FBN1: variants seen among roughly 807,000 people sequenced by gnomAD.
FBN1 encodes fibrillin 1.
In FBN1, 29 loss-of-function variants were observed where a neutral mutation model predicts 365.1. That is an observed-to-expected ratio of 0.08 (90% CI 0.06 to 0.11). The LOEUF (loss-of-function observed/expected upper bound fraction) is 0.11. Among genes scored for constraint, FBN1 ranks in the 10% least tolerant of loss-of-function variants. The probability of loss-of-function intolerance (pLI) is 1.00; values close to 1 mark genes in which losing one functional copy is unlikely to be tolerated. For missense variants in FBN1, 2,476 were observed against 3,703.2 expected (o/e 0.67, Z 8.60); for synonymous variants, 1,210 against 1,270.5 (o/e 0.95, Z 1.01).
chr15:48,446,505 T>G (rs1306408505), intron 47 of FBN1, among the ~76,000 whole-genome samples: 1 of 152,214 alleles, frequency 6.6e-6, no homozygotes, highest in Non-Finnish European at 1.5e-5. Flanking sequence ...GGTCTCAGAA[T>G]GTATCCCTCA....
chr15:48,511,721 T>C (rs1194941711), intron 13 of FBN1, among the ~76,000 whole-genome samples: 2 of 152,318 alleles, frequency 1.3e-5, no homozygotes, highest in Non-Finnish European at 1.5e-5. Flanking sequence ...ACTTCTTATT[T>C]TCAGGATAAC....
chr15:48,422,510 T>A (rs1025944557), intron 60 of FBN1, among the ~76,000 whole-genome samples: 1 of 152,254 alleles, frequency 6.6e-6, no homozygotes, highest in African/African-American at 2.4e-5. Context: ...AGTTCTCTTC[T>A]GTTTGCTGTT....
chr15:48,499,559 T>C (rs2043637782), intron 17 of FBN1, among the ~76,000 whole-genome samples: 1 of 152,206 alleles, frequency 6.6e-6, no homozygotes, highest in Admixed American at 6.5e-5. Context: ...TTAAAGTTAA[T>C]ATGTATCAGG....
chr15:48,593,330 C>T (rs1318973711), intron 6 of FBN1, among the ~76,000 whole-genome samples: 1 of 152,182 alleles, frequency 6.6e-6, no homozygotes, highest in Non-Finnish European at 1.5e-5. Context: ...GTACTTGTAA[C>T]TGACATTCTA....
chr15:48,579,648 T>A (rs867527772), intron 6 of FBN1, among the ~76,000 whole-genome samples: 1 of 152,198 alleles, frequency 6.6e-6, no homozygotes, highest in Non-Finnish European at 1.5e-5. Context: ...CTATAAATCT[T>A]ATCTCAGTCC....
intron 6 of FBN1, among the ~76,000 whole-genome samples, chr15:48,550,384 C>CA (rs1401632240): frequency 5.9e-5 from 9 of 152,154 alleles, no homozygotes; most frequent in Non-Finnish European, 1.0e-4. Flanking sequence ...ATCACAGGGC[C>CA]ACAGACTCAG....
chr15:48,564,606 G>A (rs2044246582), intron 6 of FBN1, among the ~76,000 whole-genome samples: 1 of 151,890 alleles, frequency 6.6e-6, no homozygotes, highest in African/African-American at 2.4e-5. Flanking sequence ...ATCCCAGGTG[G>A]CCCTCACATA....
At chr15:48,445,173 CATATATATATGTATATATATATACAT>C (rs1404033759) in intron 48 of FBN1, among the ~76,000 whole-genome samples, 177 bp downstream of exon 48, 1 of 138,508 alleles carries the variant, frequency 7.2e-6, no homozygotes, top group African/African-American at 2.6e-5. Flanking sequence ...TATATACACA[CATATATATATGTATATATATATACAT>C]ATATATATGT....
chr15:48,435,778 G>GTATATA (rs1299471206), intron 53 of FBN1, among the ~76,000 whole-genome samples: 155 of 141,320 alleles, frequency 1.1e-3, no homozygotes, highest in East Asian at 2.3e-3. Flanking sequence ...GTATATGTGT[G>GTATATA]TGTGTGTGTG....
At chr15:48,486,017 G>C (rs1177403466) in intron 29 of FBN1, among the ~76,000 whole-genome samples, 1 of 152,154 alleles carries the variant, frequency 6.6e-6, no homozygotes, top group African/African-American at 2.4e-5. Context: ...CTAGAGATGA[G>C]ACTCTAATAG....
In FBN1 at chr15:48,606,310, G is replaced by GA. The variant is rs966094646; in HGVS notation, c.346+4417dup. ...ATAGCAGCTTAGTTCAAATAATAAA[G>GA]AAAAAAAAACTGATGACAACTCAGA... On this transcript the variant is annotated intron_variant, in intron 4 of 65. Coordinates refer to ENST00000316623, the MANE Select transcript of FBN1 (RefSeq NM_000138.5). 4.6e-5 allele frequency among the ~76,000 whole-genome samples: 7 copies of GA among 150,762 alleles called. No individual in the cohort carries two copies. The South Asian group carries it at 8.4e-4, about 18-fold the overall frequency.
At chr15:48,463,718 C>G (rs1446227159) in intron 41 of FBN1, among the ~76,000 whole-genome samples, 181 bp downstream of exon 41, 3 of 152,166 alleles carry the variant, frequency 2.0e-5, no homozygotes, top group Admixed American at 2.0e-4. Context: ...ACCACCCACC[C>G]GTGGTGGTGA....
intron 42 of FBN1, among the ~76,000 whole-genome samples, 165 bp downstream of exon 42, chr15:48,462,917 G>A (rs990223396): frequency 3.9e-5 from 6 of 152,102 alleles, no homozygotes; most frequent in Non-Finnish European, 7.4e-5. Context: ...CTCAGTGTTC[G>A]GCTGGAATGA....
At chr15:48,558,750 C>T (rs1238159355) in intron 6 of FBN1, among the ~76,000 whole-genome samples, 3 of 152,162 alleles carry the variant, frequency 2.0e-5, no homozygotes, top group Non-Finnish European at 2.9e-5. Flanking sequence ...AATGAGATAA[C>T]TAGGTCTGTT....
At chr15:48,627,222 GAC>G (rs1317275503) in intron 2 of FBN1, among the ~76,000 whole-genome samples, 4 of 152,168 alleles carry the variant, frequency 2.6e-5, no homozygotes, top group Admixed American at 6.5e-5. Context: ...AAATAAATAA[GAC>G]AGTGTTTTGG....
At chr15:48,490,766 T>C (rs2043551426) in intron 24 of FBN1, among the ~76,000 whole-genome samples, 1 of 152,216 alleles carries the variant, frequency 6.6e-6, no homozygotes, top group Non-Finnish European at 1.5e-5. Flanking sequence ...AGCTGGATTT[T>C]GGTCCTCTTC....
intron 6 of FBN1, among the ~76,000 whole-genome samples, chr15:48,561,085 G>T (rs797018015): frequency 6.6e-6 from 1 of 152,126 alleles, no homozygotes; most frequent in Admixed American, 6.6e-5. Context: ...TTTGCCCAAG[G>T]TCACCCAAAA....
At chr15:48,460,578 G>A (rs1218101905) in intron 42 of FBN1, among the ~76,000 whole-genome samples, 1 of 152,186 alleles carries the variant, frequency 6.6e-6, no homozygotes, top group African/African-American at 2.4e-5. Flanking sequence ...TCATTCACAT[G>A]AGTTTACCTG....
chr15:48,557,608 G>A (rs927674968), intron 6 of FBN1, among the ~76,000 whole-genome samples: 1 of 152,222 alleles, frequency 6.6e-6, no homozygotes, highest in Admixed American at 6.5e-5. Context: ...CGACAAAGTT[G>A]AGTGAATGAA....
Sources: allele counts gnomAD v4.1 joint callset (sites outside exome capture counted in the v4.1 genomes callset), GRCh38; gene constraint gnomAD v4.1.1; transcripts MANE v1.5; gene names NCBI Gene and HGNC (gene_info 2026-07-23, HGNC 2026-07-21).